Variants in ESYT2 observed in about 807,000 individuals in gnomAD.
The protein encoded by ESYT2 is extended synaptotagmin-2.
Under a neutral mutation model 107.2 loss-of-function variants are expected in ESYT2, and 54 were observed. The ratio of observed to expected loss-of-function variants is 0.50; its 90% confidence interval spans 0.40 to 0.63. ESYT2 has a LOEUF of 0.63. ESYT2 is among the 30% of genes least tolerant of loss of function. The probability of loss-of-function intolerance (pLI) is 0.00; values close to 1 mark genes in which losing one functional copy is unlikely to be tolerated. For synonymous variants in ESYT2, 491 were observed against 434.1 expected (o/e 1.13, Z -1.63); for missense variants, 1,020 against 1,094.5 (o/e 0.93, Z 0.96).
At chr7:158,745,095 C>T (rs1837351726) in intron 16 of ESYT2, among the ~76,000 whole-genome samples, 1 of 152,136 alleles carries the variant, frequency 6.6e-6, no homozygotes, top group Non-Finnish European at 1.5e-5. Context: ...ATGGCAAAAA[C>T]TCCAATTACT....
intron 14 of ESYT2, among the ~76,000 whole-genome samples, chr7:158,751,716 A>G (rs552172016): frequency 2.6e-5 from 4 of 152,300 alleles, no homozygotes; most frequent in Non-Finnish European, 4.4e-5. Context: ...CATTCTACAA[A>G]TAACACAACA....
At chr7:158,743,014 T>A (rs1273022321) in intron 17 of ESYT2, among the ~76,000 whole-genome samples, 2 of 152,258 alleles carry the variant, frequency 1.3e-5, no homozygotes, top group African/African-American at 4.8e-5. Flanking sequence ...CTTTGATTCA[T>A]GAGTTTTAGT....
intron 20 of ESYT2, among the ~76,000 whole-genome samples, chr7:158,736,059 A>G (rs546132474): frequency 4.6e-5 from 7 of 152,288 alleles, no homozygotes; most frequent in South Asian, 4.1e-4. Flanking sequence ...CAGGAGGGAG[A>G]AGGCCTCCAA....
intron 1 of ESYT2, among the ~76,000 whole-genome samples, chr7:158,809,283 C>T (rs1317486715): frequency 4.0e-5 from 6 of 151,830 alleles, no homozygotes; most frequent in Non-Finnish European, 7.4e-5. Flanking sequence ...CAAGACCATC[C>T]TGGCCAACAT....
intron 14 of ESYT2, among the ~76,000 whole-genome samples, chr7:158,750,915 C>T (rs1587387711): frequency 6.6e-6 from 1 of 152,172 alleles, no homozygotes; most frequent in South Asian, 2.1e-4. Flanking sequence ...AGGCCAGAAC[C>T]CCCGGACTTT....
chr7:158,806,136 C>CGGGGCACACCGTGTGGGAGGCGCT (rs1554424919), intron 1 of ESYT2, among the ~76,000 whole-genome samples: 1,823 of 147,820 alleles, frequency 0.012, 53 homozygotes, highest in African/African-American at 0.044. Flanking sequence ...TGGGAGGTGC[C>CGGGGCACACCGTGTGGGAGGCGCT]GGGGCACACC....
In ESYT2 at chr7:158,734,101, C is replaced by A; in HGVS notation, c.*106G>T. 7.3e-7 allele frequency: 1 copy of A among 1,375,146 alleles called. No individual in the cohort carries two copies. The allele number at this position is 1,375,146 out of a possible 1,614,324, so 85.2% of individuals were successfully genotyped here. A position where few individuals can be genotyped will look rare whatever the true frequency, so the allele number is the denominator to read the frequency against. On this transcript the variant is annotated 3_prime_UTR_variant, in exon 23 of 23. Coordinates refer to ENST00000275418, the MANE Select transcript of ESYT2 (RefSeq NM_001367773.1). Reference sequence around the variant, plus strand: ...TATAAAACTATTAAGGTATGTATAACTAAATCCATGAAATTATAAAAATAA... The same window carrying A: ...TATAAAACTATTAAGGTATGTATAAATAAATCCATGAAATTATAAAAATAA...
At chr7:158,812,253 G>A (rs913112292) in intron 1 of ESYT2, among the ~76,000 whole-genome samples, 20 of 152,178 alleles carry the variant, frequency 1.3e-4, no homozygotes, top group African/African-American at 2.9e-4. Context: ...CCACTTCGCC[G>A]AGACTGCTAA....
chr7:158,805,056 C>T (rs1299629251), intron 1 of ESYT2, among the ~76,000 whole-genome samples: 1 of 152,228 alleles, frequency 6.6e-6, no homozygotes, highest in East Asian at 1.9e-4. Context: ...AACTGTAAGG[C>T]ACGAGGATCT....
rs1587365004 is a variant in ESYT2 at position 158,737,307 on chromosome 7, G to C, written c.2268-128C>G. The C allele has an allele frequency of 1.2e-5, 15 of 1,245,046 alleles. 1 individual carries two copies. In the South Asian group the frequency reaches 2.1e-4, roughly 17 times the overall value. The allele number at this position is 1,245,046 out of a possible 1,614,324, so 77.1% of individuals were successfully genotyped here. Reference sequence around the variant, plus strand: ...ACAAACCGAGAAGCAACAAGGAACAGAATGCGTGAGGCGCTTTTGCCTCCC... The same window carrying C: ...ACAAACCGAGAAGCAACAAGGAACACAATGCGTGAGGCGCTTTTGCCTCCC... On this transcript the variant is annotated intron_variant, in intron 19 of 22. Coordinates refer to ENST00000275418, the MANE Select transcript of ESYT2 (RefSeq NM_001367773.1).
intron 1 of ESYT2, among the ~76,000 whole-genome samples, chr7:158,802,590 A>T (rs954913969): frequency 6.6e-6 from 1 of 152,180 alleles, no homozygotes; most frequent in Non-Finnish European, 1.5e-5. Flanking sequence ...TGATATAAGC[A>T]CTTTTAATTA....
At chr7:158,759,627 T>G in intron 12 of ESYT2, 46 bp from the exon 13 acceptor site, 1 of 1,475,062 alleles carries the variant, frequency 6.8e-7, no homozygotes, top group Non-Finnish European at 9.4e-7. Flanking sequence ...TTCCACAGGA[T>G]TAGATACTAT....
intron 6 of ESYT2, among the ~76,000 whole-genome samples, chr7:158,775,849 T>C (rs181717320): frequency 2.6e-5 from 4 of 152,228 alleles, no homozygotes; most frequent in African/African-American, 9.6e-5. Context: ...TTCGACTTAC[T>C]TTGCCCAGAT....
intron 17 of ESYT2, among the ~76,000 whole-genome samples, chr7:158,742,938 TG>T (rs1176660947): frequency 1.3e-5 from 2 of 152,218 alleles, no homozygotes; most frequent in Non-Finnish European, 2.9e-5. Flanking sequence ...CTGTTCCCAT[TG>T]CCCCCTCAAT....
chr7:158,794,884 T>A (rs1347946907), intron 3 of ESYT2, among the ~76,000 whole-genome samples: 1 of 152,214 alleles, frequency 6.6e-6, no homozygotes, highest in African/African-American at 2.4e-5. Flanking sequence ...ACTCTAAGCC[T>A]TTACTTGAAA....
At position 158,741,713 on chromosome 7, in the gene ESYT2, C is replaced by T. The variant is rs1484220384; in HGVS notation, c.1978G>A (p.Gly660Ser). The T allele has an allele frequency of 6.2e-7, 1 of 1,614,124 alleles. No homozygotes were observed. Among genetic ancestry groups the T allele is most frequent in the African/African-American group, 1.3e-5 (1 of 75,028 alleles). The part of the protein sequence containing the change: ...TPVIGGSDKP[G>S]MEEKAQPPEA... ...GGGGGCTGGGCCTTTTCTTCCATAC[C>T]AGGCTTATCACTGCCCCCAATGACT... The change falls in exon 18 of 23, where the codon GGT becomes AGT. Residue 660 changes from glycine to serine, a missense_variant. Transcript: ENST00000275418.
rs148294938 is a variant in ESYT2 at position 158,737,041 on chromosome 7, A to T, written c.2399+7T>A. The T allele has an allele frequency of 2.8e-4, 459 of 1,612,838 alleles. 3 individuals are homozygous for T. The East Asian group carries it at 0.01, about 35-fold the overall frequency. On this transcript the variant is annotated splice_region_variant and intron_variant, in intron 20 of 22. Coordinates refer to ENST00000275418, the MANE Select transcript of ESYT2 (RefSeq NM_001367773.1). ...CAGTCTATCCTCAGCTGGATAAAAT[A>T]CCGTACCTTTGATCAAACACTGGAT... is the stretch of plus-strand genomic sequence containing the variant.
In ESYT2 at chr7:158,747,867, T is replaced by TA. The variant is rs113288504; in HGVS notation, c.1644+326dup. On this transcript the variant is annotated intron_variant, in intron 16 of 22. Coordinates refer to ENST00000275418, the MANE Select transcript of ESYT2 (RefSeq NM_001367773.1). The stretch of plus-strand genomic sequence containing the variant: ...TATATCCATAACTACTACTCAACAA[T>TA]AAAAAAAGACAAACTGTGGGTATCT... Among the ~76,000 whole-genome samples the TA allele has an allele frequency of 5.1e-3, 776 of 152,084 alleles. 4 individuals carry two copies. The highest frequency in any genetic ancestry group is 0.018 in the African/African-American group (744 of 41,464).
intron 3 of ESYT2, among the ~76,000 whole-genome samples, 192 bp downstream of exon 3, chr7:158,797,750 A>T (rs1839507582): frequency 6.6e-6 from 1 of 151,602 alleles, no homozygotes; most frequent in Non-Finnish European, 1.5e-5. Flanking sequence ...GCTACTCGGG[A>T]GGCTGAGGCA....
Sources: allele counts gnomAD v4.1 joint callset (sites outside exome capture counted in the v4.1 genomes callset), GRCh38; gene constraint gnomAD v4.1.1; transcripts MANE v1.5; gene names NCBI Gene and HGNC (gene_info 2026-07-23, HGNC 2026-07-21).